Variants in KIAA1217 observed in about 807,000 individuals in gnomAD.
KIAA1217 encodes KIAA1217, also known as sickle tail protein homolog.
A neutral mutation model predicts 163.9 loss-of-function variants in KIAA1217; 88 were observed. The ratio of observed to expected loss-of-function variants is 0.54; its 90% CI spans 0.45 to 0.64. KIAA1217 has a LOEUF of 0.64. Ranked by LOEUF, KIAA1217 falls within the 30% of genes least tolerant of loss-of-function variation. The pLI is 0.00. For missense variants in KIAA1217, 2,372 were observed against 2,475.0 expected (o/e 0.96, Z 0.88); for synonymous variants, 903 against 923.1 (o/e 0.98, Z 0.39).
intron 6 of KIAA1217, among the ~76,000 whole-genome samples, chr10:24,477,299 T>A (rs766697741): frequency 1.3e-4 from 20 of 152,228 alleles, no homozygotes; most frequent in Non-Finnish European, 2.2e-4. Context: ...GTAATCATCA[T>A]GACAACCCAG....
At chr10:24,141,235 C>CCCCA (rs2064065699) in intron 2 of KIAA1217, among the ~76,000 whole-genome samples, 1 of 135,204 alleles carries the variant, frequency 7.4e-6, no homozygotes, top group Non-Finnish European at 1.6e-5. Flanking sequence ...ACCCCCCCCC[C>CCCCA]CCATTTCTCT....
chr10:23,984,926 T>TA (rs77713730), intron 1 of KIAA1217, among the ~76,000 whole-genome samples: 7,223 of 142,124 alleles, frequency 0.051, 261 homozygotes, highest in East Asian at 0.13. Flanking sequence ...CTTAAAGTAT[T>TA]AAAAAAAAAA....
chr10:23,808,258 G>A (rs1836837121), intron 1 of KIAA1217, among the ~76,000 whole-genome samples: 1 of 152,130 alleles, frequency 6.6e-6, no homozygotes, highest in Non-Finnish European at 1.5e-5. Context: ...CCCCACTGAA[G>A]GTGAAGTCAC....
At chr10:24,321,939 C>CATTTT (rs752613228) in intron 2 of KIAA1217, among the ~76,000 whole-genome samples, 8 of 152,034 alleles carry the variant, frequency 5.3e-5, no homozygotes, top group African/African-American at 1.9e-4. Context: ...ATTTTACTGA[C>CATTTT]ATTTTATTTT....
At chr10:23,754,054 C>T (rs12780167) in intron 1 of KIAA1217, among the ~76,000 whole-genome samples, 30,472 of 152,026 alleles carry the variant, frequency 0.2, 3,192 homozygotes, top group Middle Eastern at 0.26. Flanking sequence ...TCCCCCTGTA[C>T]GCTATTTAAT....
chr10:24,546,300 A>T lies in KIAA1217; in HGVS notation c.5808A>T (p.Pro1936=), dbSNP rs1382393420. 6.2e-7 allele frequency: 1 copy of T among 1,603,878 alleles called. No homozygotes were observed. The highest frequency in any genetic ancestry group is 1.7e-5 in the Admixed American group (1 of 58,126). ...AQNGSSSKAT[P]STAKETS The stretch of plus-strand genomic sequence containing the variant: ...ATGGAAGTTCAAGCAAAGCCACCCC[A>T]TCCACAGCAAAAGAAACCTCTTAAA... Residue 1936 remains proline (P), a synonymous_variant, in exon 21 of 21, where the codon CCA becomes CCT. Transcript: ENST00000376454.
intron 2 of KIAA1217, among the ~76,000 whole-genome samples, chr10:24,111,423 CT>C (rs145019771): frequency 0.064 from 9,769 of 152,126 alleles, 885 homozygotes; most frequent in African/African-American, 0.2. Flanking sequence ...TATCTCCGTC[CT>C]TAAGGCTATA....
intron 8 of KIAA1217, among the ~76,000 whole-genome samples, chr10:24,499,329 A>G (rs1168290411): frequency 6.6e-6 from 1 of 152,258 alleles, no homozygotes; most frequent in Non-Finnish European, 1.5e-5. Flanking sequence ...GAACAACAGC[A>G]GAGATGACAA....
At chr10:23,978,062 A>T (rs536140061) in intron 1 of KIAA1217, among the ~76,000 whole-genome samples, 25 of 152,264 alleles carry the variant, frequency 1.6e-4, no homozygotes, top group African/African-American at 6.0e-4. Flanking sequence ...TTTTAAAAAC[A>T]TTTTCTTTAA....
chr10:24,123,229 A>G (rs2131783650), intron 2 of KIAA1217, among the ~76,000 whole-genome samples: 1 of 151,756 alleles, frequency 6.6e-6, no homozygotes, highest in East Asian at 1.9e-4. Flanking sequence ...GTTTATTTTA[A>G]AATTTTAAAA....
chr10:23,880,972 G>C (rs567167355), intron 1 of KIAA1217, among the ~76,000 whole-genome samples: 2 of 151,986 alleles, frequency 1.3e-5, no homozygotes, highest in East Asian at 3.9e-4. Context: ...AATGTAGGAA[G>C]AGTGAGCCAC....
At chr10:24,542,442 C>G (rs2075230656) in intron 17 of KIAA1217, 6 of 1,176,212 alleles carry the variant, frequency 5.1e-6, no homozygotes, top group Non-Finnish European at 6.8e-6. Flanking sequence ...TTCACCACTC[C>G]CCTACAAAAT....
intron 2 of KIAA1217, among the ~76,000 whole-genome samples, chr10:24,147,345 C>T (rs542742057): frequency 9.2e-5 from 14 of 152,110 alleles, no homozygotes; most frequent in Non-Finnish European, 1.3e-4. Context: ...AAAAGAAAAC[C>T]TCTTTTAAAG....
At chr10:24,323,752 A>G (rs2044474683) in intron 2 of KIAA1217, among the ~76,000 whole-genome samples, 1 of 151,458 alleles carries the variant, frequency 6.6e-6, no homozygotes, top group African/African-American at 2.4e-5. Flanking sequence ...CCCTAGATTC[A>G]AATGGAATTT....
At chr10:24,132,349 G>C (rs1266435402) in intron 2 of KIAA1217, among the ~76,000 whole-genome samples, 3 of 152,222 alleles carry the variant, frequency 2.0e-5, no homozygotes, top group Non-Finnish European at 2.9e-5. Context: ...TTAATAAGGT[G>C]TGTGAAAAAA....
At chr10:23,936,650 T>A (rs1419690335) in intron 1 of KIAA1217, among the ~76,000 whole-genome samples, 1 of 152,046 alleles carries the variant, frequency 6.6e-6, no homozygotes, top group Non-Finnish European at 1.5e-5. Context: ...AACCACCAGC[T>A]CCTGGGAAGA....
At chr10:24,177,298 TTACA>T (rs2065952202) in intron 2 of KIAA1217, among the ~76,000 whole-genome samples, 119 of 68,362 alleles carry the variant, frequency 1.7e-3, no homozygotes, top group East Asian at 2.8e-3. Context: ...TATATATATA[TTACA>T]ATTTCTTTGT....
At chr10:24,015,707 A>G (rs893955218) in intron 2 of KIAA1217, among the ~76,000 whole-genome samples, 1 of 150,442 alleles carries the variant, frequency 6.6e-6, no homozygotes, top group Non-Finnish European at 1.5e-5. Flanking sequence ...GTGAGCCAAG[A>G]TTGTGCCACT....
intron 2 of KIAA1217, among the ~76,000 whole-genome samples, chr10:24,189,681 T>C (rs956536029): frequency 6.6e-6 from 1 of 152,076 alleles, no homozygotes; most frequent in Admixed American, 6.5e-5. Flanking sequence ...GACTGCGTGT[T>C]TTTATGTTTG....
Sources: allele counts gnomAD v4.1 joint callset (sites outside exome capture counted in the v4.1 genomes callset), GRCh38; gene constraint gnomAD v4.1.1; transcripts MANE v1.5; gene names NCBI Gene and HGNC (gene_info 2026-07-23, HGNC 2026-07-21).